The following IL1RAPL1 variants were observed in gnomAD, a reference collection of about 807,000 sequenced individuals.
The protein encoded by IL1RAPL1 is interleukin 1 receptor accessory protein like 1.
Under a neutral mutation model 48.4 loss-of-function variants are expected in IL1RAPL1, and 3 were observed. That is an observed-to-expected ratio of 0.06 (90% CI 0.03 to 0.16). IL1RAPL1 has a LOEUF of 0.16. Ranked by LOEUF, IL1RAPL1 falls within the 10% of genes least tolerant of loss-of-function variation. The probability of loss-of-function intolerance (pLI) is 1.00; values close to 1 mark genes in which losing one functional copy is unlikely to be tolerated. For missense variants in IL1RAPL1, 349 were observed against 530.6 expected, an observed-to-expected ratio of 0.66 and a Z score of 3.36; for synonymous variants, 185 against 187.7, an observed-to-expected ratio of 0.99 and a Z score of 0.12.
chrX:29,333,236 C>T (rs1161528887), intron 3 of IL1RAPL1, among the ~76,000 whole-genome samples: 1 of 107,322 alleles, frequency 9.3e-6, no homozygotes, highest in Non-Finnish European at 1.9e-5. Context: ...CGGGCAGAAG[C>T]GCCCCTCACC....
chrX:29,429,299 G>A (rs948411159), intron 5 of IL1RAPL1, among the ~76,000 whole-genome samples: 4 of 111,881 alleles, frequency 3.6e-5, no homozygotes, highest in Non-Finnish European at 7.5e-5. Flanking sequence ...GATCCTCAAA[G>A]CCCCACTTAT....
At chrX:29,384,079 A>G (rs1933745474) in intron 3 of IL1RAPL1, among the ~76,000 whole-genome samples, 1 of 112,137 alleles carries the variant, frequency 8.9e-6, no homozygotes, top group Non-Finnish European at 1.9e-5. Flanking sequence ...TATAATGTGG[A>G]TTAAACACTT....
At chrX:28,588,810 T>A (rs750302329) in intron 1 of IL1RAPL1, among the ~76,000 whole-genome samples, 10 of 112,255 alleles carry the variant, frequency 8.9e-5, no homozygotes, top group Admixed American at 7.6e-4. Context: ...ATAATATAAT[T>A]ATTTACCCAA....
rs372836860 is a variant in IL1RAPL1, at chrX:29,820,772, A to G, written c.779-96692A>G. ...AGTTTGAGTAATTTTTCAAGTAAGTATTAGAGTCAAGGCTTGGACCCAGAT... is the reference window on the plus strand; with the variant it reads ...AGTTTGAGTAATTTTTCAAGTAAGTGTTAGAGTCAAGGCTTGGACCCAGAT... On this transcript the variant is annotated intron_variant, in intron 6 of 10. Transcript: ENST00000378993. Among the ~76,000 whole-genome samples, 6 of 112,211 alleles carry G rather than the reference A, an allele frequency of 5.3e-5. No individual in the cohort carries two copies. In the East Asian group the frequency reaches 1.1e-3, roughly 21 times the overall value.
At chrX:29,262,478 A>G (rs767327277) in intron 2 of IL1RAPL1, among the ~76,000 whole-genome samples, 3 of 110,788 alleles carry the variant, frequency 2.7e-5, no homozygotes, top group Non-Finnish European at 3.8e-5. Flanking sequence ...AGCCTGACCA[A>G]CATGGAGAAA....
At chrX:28,640,343 G>A (rs1934519081) in intron 1 of IL1RAPL1, among the ~76,000 whole-genome samples, 1 of 110,440 alleles carries the variant, frequency 9.1e-6, no homozygotes, top group Non-Finnish European at 1.9e-5. Context: ...TTTTTTGTTT[G>A]TTTGTTTTGT....
At chrX:29,420,455 C>A (rs1439739031) in intron 5 of IL1RAPL1, among the ~76,000 whole-genome samples, 2 of 112,236 alleles carry the variant, frequency 1.8e-5, no homozygotes, top group Admixed American at 9.4e-5. Context: ...CATTTTTCAA[C>A]AGCCAAATCA....
At chrX:29,417,321 A>G (rs1422355374) in intron 5 of IL1RAPL1, among the ~76,000 whole-genome samples, 3 of 112,216 alleles carry the variant, frequency 2.7e-5, no homozygotes, top group Non-Finnish European at 3.8e-5. Context: ...TAACTTTTGC[A>G]TCATAAGAGA....
chrX:28,727,460 T>A lies in IL1RAPL1; in HGVS notation c.-24-61860T>A, dbSNP rs1164701954. 7.6e-5 allele frequency among the ~76,000 whole-genome samples: 8 copies of A among 105,852 alleles called. No homozygotes were observed. The East Asian group carries it at 2.1e-3, about 28-fold the overall frequency. 91.9% of individuals were successfully genotyped at this position (105,852 alleles called of 115,157 possible). On this transcript the variant is annotated intron_variant, in intron 1 of 10. Coordinates refer to ENST00000378993, the MANE Select transcript of IL1RAPL1 (RefSeq NM_014271.4). Reference sequence around the variant, plus strand: ...CTGAGACAATGGGGTTTTCTAGATATACAATCATGTCGTCTGCAAAGAGGG... The same window carrying A: ...CTGAGACAATGGGGTTTTCTAGATAAACAATCATGTCGTCTGCAAAGAGGG...
intron 1 of IL1RAPL1, among the ~76,000 whole-genome samples, chrX:28,649,350 A>G (rs906621987): frequency 8.9e-6 from 1 of 112,315 alleles, no homozygotes; most frequent in African/African-American, 3.2e-5. Flanking sequence ...ACCAGCTCCC[A>G]GTTTCTTTCA....
chrX:29,094,055 G>C (rs1029213615), intron 2 of IL1RAPL1, among the ~76,000 whole-genome samples: 1 of 111,722 alleles, frequency 9.0e-6, no homozygotes, highest in African/African-American at 3.3e-5. Flanking sequence ...CTTCCTTACT[G>C]TCTACCTCAC....
chrX:29,109,281 C>T, intron 2 of IL1RAPL1, among the ~76,000 whole-genome samples: 1 of 97,438 alleles, frequency 1.0e-5, no homozygotes, highest in South Asian at 4.8e-4. Flanking sequence ...TTTGTCATTT[C>T]AGAGAGTACC....
intron 1 of IL1RAPL1, among the ~76,000 whole-genome samples, chrX:28,707,953 C>CT (rs1440816698): frequency 1.8e-5 from 2 of 110,946 alleles, no homozygotes; most frequent in African/African-American, 3.3e-5. Context: ...GGCAGAGTGT[C>CT]TTTTTTTTCC....
Position 29,237,938 on chromosome X carries a change from T to C in IL1RAPL1, c.83-45000T>C, listed in dbSNP as rs923716440. 2.7e-5 allele frequency among the ~76,000 whole-genome samples: 3 copies of C among 112,475 alleles called. No homozygotes were observed. In the Admixed American group the frequency reaches 2.8e-4, roughly 11 times the overall value. On this transcript the variant is annotated intron_variant, in intron 2 of 10. Coordinates refer to ENST00000378993, the MANE Select transcript of IL1RAPL1 (RefSeq NM_014271.4). ...GTTTCAAAGACAAACTAAAAAAGAA[T>C]GTAATCAATTATCTGCGTGTTGGCA...
intron 1 of IL1RAPL1, among the ~76,000 whole-genome samples, chrX:28,615,034 GCC>G (rs1337006650): frequency 9.2e-6 from 1 of 109,216 alleles, no homozygotes; most frequent in Non-Finnish European, 1.9e-5. Context: ...GACTACAGGT[GCC>G]CGCCACCACG....
At chrX:29,483,932 A>G (rs1277616229) in intron 5 of IL1RAPL1, among the ~76,000 whole-genome samples, 1 of 108,329 alleles carries the variant, frequency 9.2e-6, no homozygotes, top group Non-Finnish European at 1.9e-5. Context: ...GCCTCGAGCA[A>G]TCCACCCGCT....
At chrX:29,599,062 C>G in intron 5 of IL1RAPL1, among the ~76,000 whole-genome samples, 1 of 111,819 alleles carries the variant, frequency 8.9e-6, no homozygotes, top group Non-Finnish European at 1.9e-5. Context: ...AAGTACTATT[C>G]TATTCATTGT....
At chrX:29,125,329 G>A (rs766482273) in intron 2 of IL1RAPL1, among the ~76,000 whole-genome samples, 2 of 112,142 alleles carry the variant, frequency 1.8e-5, no homozygotes, top group Admixed American at 9.5e-5. Context: ...TGTTAAAAGC[G>A]TCACATGGAG....
At chrX:29,938,094 G>A (rs959282829) in intron 8 of IL1RAPL1, among the ~76,000 whole-genome samples, 3 of 111,532 alleles carry the variant, frequency 2.7e-5, no homozygotes, top group African/African-American at 9.8e-5. Flanking sequence ...GCTATGTAGA[G>A]TATTCTAAGT....
Sources: gnomAD v4.1 joint callset for allele counts (sites outside exome capture counted in the v4.1 genomes callset) on GRCh38, gnomAD v4.1.1 for gene constraint, MANE v1.5 for transcripts, NCBI Gene and HGNC (gene_info 2026-07-23, HGNC 2026-07-21) for gene names.